SARS1: variants seen among roughly 807,000 people sequenced by gnomAD.
SARS1 encodes seryl-tRNA synthetase 1.
In SARS1, 25 loss-of-function variants were observed where a neutral mutation model predicts 63.7. The observed-to-expected ratio is 0.39, with a 90% CI of 0.29 to 0.55. SARS1 has a LOEUF of 0.55. Among genes scored for constraint, SARS1 ranks in the 20% least tolerant of loss-of-function variants. The pLI is 0.62. For missense variants in SARS1, 417 were observed against 649.7 expected (o/e 0.64, Z 3.89); for synonymous variants, 231 against 243.5 (o/e 0.95, Z 0.48).
intron 2 of SARS1, among the ~76,000 whole-genome samples, chr1:109,224,423 C>G (rs1476335293): frequency 6.6e-6 from 1 of 152,150 alleles, no homozygotes; most frequent in Non-Finnish European, 1.5e-5. Flanking sequence ...TCAAATCTTG[C>G]TACGTTATGT....
intron 6 of SARS1, among the ~76,000 whole-genome samples, chr1:109,232,430 T>G (rs1301201313): frequency 6.6e-6 from 1 of 152,244 alleles, no homozygotes; most frequent in Non-Finnish European, 1.5e-5. Context: ...CAGTGTCTAC[T>G]ATTCATTTGT....
At position 109,235,883 on chromosome 1, in the gene SARS1, G is replaced by A; in HGVS notation, c.970-94G>A. 1 of 1,273,802 alleles carries A rather than the reference G, an allele frequency of 7.9e-7. No homozygotes were observed. Among genetic ancestry groups the A allele is most frequent in the Non-Finnish European group, 1.1e-6 (1 of 922,590 alleles). 78.9% of individuals were successfully genotyped at this position (1,273,802 alleles called of 1,614,324 possible). A position where few individuals can be genotyped will look rare whatever the true frequency, so the allele number is the denominator to read the frequency against. On this transcript the variant is annotated intron_variant, in intron 7 of 10. Coordinates refer to ENST00000234677, the MANE Select transcript of SARS1 (RefSeq NM_006513.4). The surrounding 1 kb of genome is among the most constrained non-coding windows in gnomAD (Gnocchi z 4.7). The stretch of plus-strand genomic sequence containing the variant: ...CCAGACTTGCCTGCCTCCCAGTGGT[G>A]TGGAAACAGGTCTTCATGGCAAGGA...
intron 6 of SARS1, among the ~76,000 whole-genome samples, chr1:109,233,792 G>A (rs1349978106): frequency 5.3e-5 from 8 of 150,684 alleles, no homozygotes; most frequent in Non-Finnish European, 1.5e-5. Flanking sequence ...TGCCTCCTGG[G>A]TTCAAGTGAT....
chr1:109,223,939 G>T, intron 1 of SARS1, 39 bp from the exon 2 acceptor site: 1 of 1,444,198 alleles, frequency 6.9e-7, no homozygotes, highest in East Asian at 2.3e-5. Flanking sequence ...CTTAATTATG[G>T]GCATTTCTTT....
At chr1:109,233,026 C>T (rs72973296) in intron 6 of SARS1, among the ~76,000 whole-genome samples, 1,610 of 152,230 alleles carry the variant, frequency 0.011, 30 homozygotes, top group African/African-American at 0.037. Context: ...ATGAATATAT[C>T]GCTGCCTAAT....
At chr1:109,233,603 A>AT (rs1023717713) in intron 6 of SARS1, among the ~76,000 whole-genome samples, 10 of 151,508 alleles carry the variant, frequency 6.6e-5, no homozygotes, top group Non-Finnish European at 2.9e-5. Context: ...TCATGTTGGG[A>AT]TTTTTTTCAT....
chr1:109,234,036 ATT>A (rs750427378), intron 6 of SARS1, among the ~76,000 whole-genome samples: 3 of 142,030 alleles, frequency 2.1e-5, no homozygotes, highest in Admixed American at 7.0e-5. Context: ...TGCCCGACTA[ATT>A]TTTTTTTTTT....
intron 9 of SARS1, chr1:109,236,877 G>C (rs1030951775): frequency 6.3e-7 from 1 of 1,594,890 alleles, no homozygotes; most frequent in Non-Finnish European, 8.5e-7. Flanking sequence ...GAAGGTCTGG[G>C]TTGTAAGCTG....
chr1:109,221,276 G>T (rs1368300354), intron 1 of SARS1, among the ~76,000 whole-genome samples: 1 of 152,042 alleles, frequency 6.6e-6, no homozygotes, highest in Non-Finnish European at 1.5e-5. Flanking sequence ...GGCCAGGATG[G>T]TCTCGATCTC....
chr1:109,221,898 C>T (rs1257657009), intron 1 of SARS1, among the ~76,000 whole-genome samples: 1 of 144,250 alleles, frequency 6.9e-6, no homozygotes, highest in African/African-American at 2.6e-5. Context: ...TGGCTCACTG[C>T]AGTCTCTGCC....
chr1:109,229,554 A>G lies in SARS1; in HGVS notation c.429A>G (p.Val143=). ...TTGGGAACCTTCTGCACCCTTCTGT[A>G]CCCATCAGTAACGATGAGGTAGGTG... is the stretch of plus-strand genomic sequence containing the variant. ...REIGNLLHPS[V]PISNDEDVDN... is the part of the protein sequence containing the mutation. The change falls in exon 4 of 11, where the codon GTA becomes GTG. Residue 143 remains valine (V), a synonymous_variant. Coordinates refer to ENST00000234677, the MANE Select transcript of SARS1 (RefSeq NM_006513.4). 6.2e-7 allele frequency: 1 copy of G among 1,612,756 alleles called. No individual in the cohort carries two copies. The highest frequency in any genetic ancestry group is 8.5e-7 in the Non-Finnish European group (1 of 1,179,510).
rs1053691668 is a variant in SARS1 at position 109,237,467 on chromosome 1, G to T, written c.1387+94G>T. The T allele has an allele frequency of 1.0e-5, 16 of 1,557,900 alleles. No homozygotes were observed. The African/African-American group carries it at 1.9e-4, about 19-fold the overall frequency. On this transcript the variant is annotated intron_variant, in intron 10 of 10. Transcript: ENST00000234677. The surrounding 1 kb of genome is among the most constrained non-coding windows in gnomAD (Gnocchi z 4.1). ...CTTTCAGGATATACCAGGTTTTTTT[G>T]TTCAGACACAGCCCCTGAAACTCTG... is the stretch of plus-strand genomic sequence containing the variant.
At chr1:109,216,035 G>T (rs1233547894) in intron 1 of SARS1, 34 of 985,158 alleles carry the variant, frequency 3.5e-5, no homozygotes, top group Non-Finnish European at 3.7e-5. Context: ...CTATTAATTT[G>T]ATTCTTTTCT....
intron 1 of SARS1, chr1:109,216,626 AGTT>A (rs766075863): frequency 2.0e-6 from 2 of 978,218 alleles, no homozygotes; most frequent in Non-Finnish European, 2.4e-6. Flanking sequence ...TGAAAATTGA[AGTT>A]GTTGTTTCCT....
chr1:109,226,676 AAAT>A (rs1441144286), intron 2 of SARS1, among the ~76,000 whole-genome samples: 2 of 38,736 alleles, frequency 5.2e-5, no homozygotes, highest in African/African-American at 1.6e-4. Flanking sequence ...AAAAAAAAAA[AAAT>A]ATATATATAT....
chr1:109,228,470 A>G (rs771829162), intron 3 of SARS1, 38 bp downstream of exon 3: 3 of 1,422,892 alleles, frequency 2.1e-6, no homozygotes, highest in Admixed American at 3.5e-5. Flanking sequence ...GATCTCTGCT[A>G]TTTTGTCTTA....
At chr1:109,230,712 G>T (rs2101200607) in intron 4 of SARS1, among the ~76,000 whole-genome samples, 166 bp from the exon 5 acceptor site, 1 of 152,188 alleles carries the variant, frequency 6.6e-6, no homozygotes, top group African/African-American at 2.4e-5. Context: ...GGCTGAGGTG[G>T]GAGGATCACT....
intron 2 of SARS1, among the ~76,000 whole-genome samples, chr1:109,228,046 G>A (rs1481529669): frequency 6.6e-6 from 1 of 151,960 alleles, no homozygotes; most frequent in Non-Finnish European, 1.5e-5. Context: ...TGATTCCTAT[G>A]ATGATCTATG....
chr1:109,218,344 G>A (rs568289140), intron 1 of SARS1, among the ~76,000 whole-genome samples: 1 of 150,480 alleles, frequency 6.6e-6, no homozygotes, highest in East Asian at 1.9e-4. Flanking sequence ...TCCAGCCTGG[G>A]GGACAAGGTG....
Sources: allele counts gnomAD v4.1 joint callset (sites outside exome capture counted in the v4.1 genomes callset), GRCh38; gene constraint gnomAD v4.1.1; non-coding constraint Gnocchi (gnomAD v3.1); transcripts MANE v1.5; gene names NCBI Gene and HGNC (gene_info 2026-07-23, HGNC 2026-07-21).